Variants in SLC35B4 observed in about 807,000 individuals in gnomAD.
SLC35B4 encodes the protein solute carrier family 35 member B4, also known as nucleotide sugar transporter SLC35B4.
A neutral mutation model predicts 39.5 loss-of-function variants in SLC35B4; 28 were observed. The ratio of observed to expected loss-of-function variants is 0.71; its 90% CI spans 0.53 to 0.97. The LOEUF (loss-of-function observed/expected upper bound fraction) is 0.97, where lower values mean the gene tolerates loss of function less well. Ranked by LOEUF, SLC35B4 falls within the 50% of genes least tolerant of loss-of-function variation. The pLI is 0.00. For synonymous variants in SLC35B4, 145 were observed against 150.4 expected, an observed-to-expected ratio of 0.96 and a Z score of 0.26; for missense variants, 334 against 414.3, an observed-to-expected ratio of 0.81 and a Z score of 1.68.
At position 134,306,690 on chromosome 7, in the gene SLC35B4, C is replaced by T; in HGVS notation, c.276G>A (p.Leu92=). 1 of 1,613,824 alleles carries T rather than the reference C, an allele frequency of 6.2e-7. No homozygotes were observed. Among genetic ancestry groups the T allele is most frequent in the Non-Finnish European group, 8.5e-7 (1 of 1,179,888 alleles). Residue 92 remains leucine (L), a synonymous_variant, in exon 3 of 10, where the codon CTG becomes CTA. Coordinates refer to ENST00000378509, the MANE Select transcript of SLC35B4 (RefSeq NM_032826.5). ...CACTTACGGATCTAAATATCATATG[C>T]AGGGGCATGGCAATGTTGAGATTCA... ...YALNLNIAMP[L]HMIFRSGSLI...
chr7:134,310,070 C>T (rs957011209), intron 1 of SLC35B4, among the ~76,000 whole-genome samples: 1 of 152,168 alleles, frequency 6.6e-6, no homozygotes, highest in Non-Finnish European at 1.5e-5. Context: ...AATATACATA[C>T]AGTACCTGAA....
chr7:134,299,315 A>C (rs892324836), intron 8 of SLC35B4: 1 of 480,190 alleles, frequency 2.1e-6, no homozygotes, highest in Non-Finnish European at 3.7e-6. Flanking sequence ...AAACTCGAAG[A>C]TATTCTTTTA....
intron 1 of SLC35B4, among the ~76,000 whole-genome samples, chr7:134,311,036 C>T (rs1241986594): frequency 3.9e-5 from 6 of 152,204 alleles, no homozygotes; most frequent in African/African-American, 1.4e-4. Context: ...TAAGACAATA[C>T]AGGCATGAGC....
chr7:134,296,474 G>C lies in SLC35B4; in HGVS notation c.674-8C>G, dbSNP rs2117279603. On this transcript the variant is annotated splice_polypyrimidine_tract_variant and splice_region_variant and intron_variant, in intron 8 of 9. Transcript: ENST00000378509. ...CGGGAATTTCATATAACTCTGTAGA[G>C]GTTACAAGAGGATATAGCCATATTG... 1 of 1,608,200 alleles carries C rather than the reference G, an allele frequency of 6.2e-7. No homozygotes were observed. Among genetic ancestry groups the C allele is most frequent in the Non-Finnish European group, 8.5e-7 (1 of 1,175,076 alleles).
rs1036209028 is a variant in SLC35B4 at position 134,291,015 on chromosome 7, C to T, written c.*3818G>A. On this transcript the variant is annotated 3_prime_UTR_variant, in exon 10 of 10. Coordinates refer to ENST00000378509, the MANE Select transcript of SLC35B4 (RefSeq NM_032826.5). ...TCCTGACCTAAGGTGTTTTACTTCC[C>T]CTCTCCATAGGTATCTGGCACTGTT... The T allele has an allele frequency of 4.6e-5, 7 of 152,144 alleles. No homozygotes were observed. The highest frequency in any genetic ancestry group is 4.6e-4 in the Admixed American group (7 of 15,280). The allele number at this position is 152,144 out of a possible 1,614,324, so 9.4% of individuals were successfully genotyped here. A position where few individuals can be genotyped will look rare whatever the true frequency, so the allele number is the denominator to read the frequency against.
intron 9 of SLC35B4, among the ~76,000 whole-genome samples, chr7:134,296,049 A>C (rs527757772): frequency 1.3e-5 from 2 of 151,876 alleles, no homozygotes; most frequent in African/African-American, 2.4e-5. Flanking sequence ...GGCTGGTCTC[A>C]AACTCCTGAC....
At chr7:134,298,435 G>A (rs180838108) in intron 8 of SLC35B4, among the ~76,000 whole-genome samples, 102 of 152,290 alleles carry the variant, frequency 6.7e-4, no homozygotes, top group African/African-American at 2.3e-3. Flanking sequence ...CTTTAACTTG[G>A]AAATGATTCT....
At position 134,295,213 on chromosome 7, in the gene SLC35B4, G is replaced by A. The variant is rs1024520970; in HGVS notation, c.750-134C>T. The A allele has an allele frequency of 3.4e-6, 4 of 1,169,616 alleles. No individual in the cohort carries two copies. The African/African-American group carries it at 4.6e-5, about 14-fold the overall frequency. The allele number at this position is 1,169,616 out of a possible 1,614,324, so 72.5% of individuals were successfully genotyped here. Reference sequence around the variant, plus strand: ...GAAGGTCCGCTACGGCAGCTCTGAGGCTCCTCCTGGGGAGAACCTGCAGAA... The same window carrying A: ...GAAGGTCCGCTACGGCAGCTCTGAGACTCCTCCTGGGGAGAACCTGCAGAA... On this transcript the variant is annotated intron_variant, in intron 9 of 9. Coordinates refer to ENST00000378509, the MANE Select transcript of SLC35B4 (RefSeq NM_032826.5).
Position 134,306,843 on chromosome 7 carries a change from T to C in SLC35B4, c.192-69A>G, listed in dbSNP as rs556938607. 2.7e-5 allele frequency: 37 copies of C among 1,372,020 alleles called. No homozygotes were observed. The East Asian group carries it at 3.3e-4, about 12-fold the overall frequency. The allele number at this position is 1,372,020 out of a possible 1,614,324, so 85.0% of individuals were successfully genotyped here. On this transcript the variant is annotated intron_variant, in intron 2 of 9. Transcript: ENST00000378509. The stretch of plus-strand genomic sequence containing the variant: ...TCAAGAAAATCAAGTATAGGAAATA[T>C]ATATTTTTGGCTAAAAAGGCATTTT...
upstream of SLC35B4, chr7:134,317,079 G>A: frequency 3.4e-6 from 1 of 292,452 alleles, no homozygotes; most frequent in Non-Finnish European, 6.4e-6. Flanking sequence ...AGAGGACAGG[G>A]GGACGAGGTG....
intron 1 of SLC35B4, among the ~76,000 whole-genome samples, chr7:134,316,326 G>C (rs1342035451): frequency 1.3e-5 from 2 of 152,198 alleles, no homozygotes; most frequent in African/African-American, 4.8e-5. Context: ...TCTGACACTA[G>C]CTCTCTGCCG....
chr7:134,316,997 A>G (rs1585650547), upstream of SLC35B4: 1 of 535,082 alleles, frequency 1.9e-6, no homozygotes, highest in South Asian at 2.3e-5. Flanking sequence ...CGGCCAGACT[A>G]CATGTCCCAG....
intron 1 of SLC35B4, among the ~76,000 whole-genome samples, chr7:134,313,491 A>G: frequency 6.6e-6 from 1 of 152,304 alleles, no homozygotes; most frequent in South Asian, 2.1e-4. Context: ...TGGTGTGTGT[A>G]TATCTTGTTT....
intron 8 of SLC35B4, among the ~76,000 whole-genome samples, chr7:134,296,859 T>C (rs913113193): frequency 2.6e-5 from 4 of 152,208 alleles, no homozygotes; most frequent in African/African-American, 9.6e-5. Context: ...ACACTAGTAA[T>C]TACAGAATTC....
chr7:134,309,099 G>C (rs1258365738), intron 2 of SLC35B4, among the ~76,000 whole-genome samples: 1 of 152,106 alleles, frequency 6.6e-6, no homozygotes, highest in Admixed American at 6.5e-5. Flanking sequence ...TAGGCCTTCT[G>C]ACTAATCCTA....
chr7:134,316,377 AC>A (rs921134902), intron 1 of SLC35B4, among the ~76,000 whole-genome samples: 3 of 151,830 alleles, frequency 2.0e-5, no homozygotes, highest in Non-Finnish European at 2.9e-5. Flanking sequence ...AGACTTCAAT[AC>A]CCCCCGAGTG....
rs754685625 is a variant in SLC35B4, at chr7:134,294,942, T to G, written c.887A>C (p.His296Pro). Residue 296 changes from histidine (H) to proline (P), a missense_variant, in exon 10 of 10, where the codon CAC (histidine) becomes CCC (proline). Physicochemically the swap from His to Pro is moderately conservative, Grantham distance 77 (BLOSUM62 -2). Transcript: ENST00000378509. ...GAAGACAAACAAGGTGCCCAGCCAG[T>G]GCCACAGGGTGAAGGGGTTCTGGAA... Reference protein sequence around the residue: ...LYFQNPFTLWHWLGTLFVFIG... With the variant: ...LYFQNPFTLWPWLGTLFVFIG... 4 of 1,614,094 alleles carry G rather than the reference T, an allele frequency of 2.5e-6. No individual in the cohort carries two copies. Among genetic ancestry groups the G allele is most frequent in the Non-Finnish European group, 3.4e-6 (4 of 1,180,022 alleles).
chr7:134,314,932 C>A, intron 1 of SLC35B4, among the ~76,000 whole-genome samples: 1 of 151,312 alleles, frequency 6.6e-6, no homozygotes, highest in East Asian at 1.9e-4. Context: ...CATTTTTTAT[C>A]CCTCATCACC....
upstream of SLC35B4, among the ~76,000 whole-genome samples, chr7:134,319,446 C>G (rs564055666): frequency 2.0e-5 from 3 of 152,276 alleles, no homozygotes; most frequent in East Asian, 5.8e-4. Flanking sequence ...CTCTGACTTA[C>G]GCTTTCCAGT....
Sources: gnomAD v4.1 joint callset for allele counts (sites outside exome capture counted in the v4.1 genomes callset) on GRCh38, gnomAD v4.1.1 for gene constraint, MANE v1.5 for transcripts, NCBI Gene and HGNC (gene_info 2026-07-23, HGNC 2026-07-21) for gene names.